The following LONRF3 variants were observed in gnomAD, a reference collection of about 807,000 sequenced individuals.
The protein encoded by LONRF3 is LON peptidase N-terminal domain and RING finger protein 3.
In LONRF3, 19 loss-of-function variants were observed where a neutral mutation model predicts 51.7. The ratio of observed to expected loss-of-function variants is 0.37; its 90% CI spans 0.26 to 0.54. The LOEUF (loss-of-function observed/expected upper bound fraction) is 0.54. Among genes scored for constraint, LONRF3 ranks in the 20% least tolerant of loss-of-function variants. LONRF3 has a pLI of 0.86. For missense variants in LONRF3, 521 were observed against 623.9 expected (o/e 0.84, Z 1.76); for synonymous variants, 265 against 257.8 (o/e 1.03, Z -0.27).
At chrX:118,999,280 G>C (rs766563145) in intron 5 of LONRF3, among the ~76,000 whole-genome samples, 1 of 111,453 alleles carries the variant, frequency 9.0e-6, no homozygotes, top group South Asian at 3.8e-4. Context: ...GGGTGGAGTG[G>C]GCTAGGGTGG....
intron 10 of LONRF3, 104 bp from the exon 11 acceptor site, chrX:119,017,431 A>G (rs1925536617): frequency 2.5e-6 from 2 of 797,102 alleles, no homozygotes; most frequent in African/African-American, 2.1e-5. Flanking sequence ...AATCTGCCAC[A>G]TGGAGTTGTT....
chrX:119,002,474 G>A (rs1924387214), intron 5 of LONRF3, among the ~76,000 whole-genome samples: 1 of 111,797 alleles, frequency 8.9e-6, no homozygotes, highest in Admixed American at 9.5e-5. Flanking sequence ...TTTCATTATT[G>A]TATAATATCC....
chrX:119,008,227 A>G, intron 6 of LONRF3, among the ~76,000 whole-genome samples: 1 of 112,167 alleles, frequency 8.9e-6, no homozygotes. Flanking sequence ...TATTCCAATC[A>G]TTTTCACTGC....
Position 118,975,322 on chromosome X carries a change from G to A in LONRF3, c.542G>A (p.Cys181Tyr). The change falls in exon 1 of 11, where the codon TGC becomes TAC. Residue 181 changes from cysteine (C) to tyrosine (Y), a missense_variant. By Grantham distance (194) the Cys-to-Tyr change is radical. Around this residue, in one of 2 missense-constraint regions of LONRF3, gnomAD observed 376 missense variants for 376.7 expected, o/e 1.00. Coordinates refer to ENST00000371628, the MANE Select transcript of LONRF3 (RefSeq NM_001031855.3). ...TGTGGCCACACCTTTTGTAAACTGT[G>A]CCTGGAACGTGGGCGGGCCGCCGAC... ...LSCGHTFCKL[C>Y]LERGRAADRR... 1 of 1,210,231 alleles carries A rather than the reference G, an allele frequency of 8.3e-7. No individual in the cohort carries two copies. The highest frequency in any genetic ancestry group is 1.1e-6 in the Non-Finnish European group (1 of 895,090).
At position 118,975,604 on chromosome X, in the gene LONRF3, C is replaced by T. The variant is rs1377545287; in HGVS notation, c.817+7C>T. 23 of 1,134,783 alleles carry T rather than the reference C, an allele frequency of 2.0e-5. No individual in the cohort carries two copies. Among genetic ancestry groups the T allele is most frequent in the Non-Finnish European group, 2.7e-5 (23 of 858,330 alleles). 93.5% of individuals were successfully genotyped at this position (1,134,783 alleles called of 1,213,427 possible). A position where few individuals can be genotyped will look rare whatever the true frequency, so the allele number is the denominator to read the frequency against. On this transcript the variant is annotated splice_region_variant and intron_variant, in intron 1 of 10. Transcript: ENST00000371628. Reference sequence around the variant, plus strand: ...AACGAGGCAGTTAAGTTGGGTGAGTCCAACGCGCTGCCGGGCCGGGGCTGG... The same window carrying T: ...AACGAGGCAGTTAAGTTGGGTGAGTTCAACGCGCTGCCGGGCCGGGGCTGG...
At chrX:119,003,069 A>G (rs1421988183) in intron 5 of LONRF3, among the ~76,000 whole-genome samples, 1 of 111,744 alleles carries the variant, frequency 8.9e-6, no homozygotes, top group Non-Finnish European at 1.9e-5. Flanking sequence ...GGTGTGAGCC[A>G]CTGCACCCAG....
At chrX:119,008,435 A>G (rs1030755717) in intron 6 of LONRF3, among the ~76,000 whole-genome samples, 1 of 111,690 alleles carries the variant, frequency 9.0e-6, no homozygotes, top group Non-Finnish European at 1.9e-5. Flanking sequence ...TGCATCGGAC[A>G]GGGGTGTTTG....
rs776494214 is a variant in LONRF3 at position 118,982,776 on chromosome X, A to T, written c.937-45A>T. The stretch of plus-strand genomic sequence containing the variant: ...TAGTTATTGTTAGAGCAGTAGTGTT[A>T]ATAGGCTGAATAAAATGGGATTGAA... On this transcript the variant is annotated intron_variant, in intron 2 of 10. Transcript: ENST00000371628. 193 of 1,204,296 alleles carry T rather than the reference A, an allele frequency of 1.6e-4. 1 individual carries two copies. In the South Asian group the frequency reaches 2.3e-3, roughly 14 times the overall value.
At chrX:119,009,530 A>G (rs749137141) in intron 7 of LONRF3, among the ~76,000 whole-genome samples, 5 of 111,866 alleles carry the variant, frequency 4.5e-5, no homozygotes, top group Non-Finnish European at 9.4e-5. Flanking sequence ...TATTGTTGGC[A>G]AGAGTAAATT....
intron 2 of LONRF3, among the ~76,000 whole-genome samples, chrX:118,979,335 T>A (rs1603246173): frequency 1.0e-5 from 1 of 98,295 alleles, no homozygotes; most frequent in Middle Eastern, 6.6e-3. Context: ...ACTCTGCCAC[T>A]CACACTGGAG....
intron 5 of LONRF3, among the ~76,000 whole-genome samples, chrX:118,996,550 C>T (rs1394912287): frequency 1.8e-5 from 2 of 111,388 alleles, no homozygotes; most frequent in Admixed American, 1.9e-4. Flanking sequence ...AATCAAGATC[C>T]CCTTTTACAA....
Position 118,999,993 on chromosome X carries a change from G to C in LONRF3, c.1416-6128G>C, listed in dbSNP as rs549336807. Among the ~76,000 whole-genome samples the C allele has an allele frequency of 8.0e-5, 9 of 112,216 alleles. No individual in the cohort carries two copies. In the South Asian group the frequency reaches 2.6e-3, roughly 32 times the overall value. ...TGTAGTTCCCTTTCCAACAGGGTTTGTCTATAAGTTAGACATTGGATGTTG... is the reference window on the plus strand; with the variant it reads ...TGTAGTTCCCTTTCCAACAGGGTTTCTCTATAAGTTAGACATTGGATGTTG... On this transcript the variant is annotated intron_variant, in intron 5 of 10. Transcript: ENST00000371628.
In LONRF3 at chrX:118,980,125, C is replaced by T. The variant is rs6646308; in HGVS notation, c.936+1662C>T. Among the ~76,000 whole-genome samples, 1,058 of 112,233 alleles carry T rather than the reference C, an allele frequency of 9.4e-3. 20 individuals carry two copies. In the East Asian group the frequency reaches 0.13, roughly 14 times the overall value. On this transcript the variant is annotated intron_variant, in intron 2 of 10. Coordinates refer to ENST00000371628, the MANE Select transcript of LONRF3 (RefSeq NM_001031855.3). ...GGACATTCTGCAAGCTATAAAGCTT[C>T]CTGGATGTAGTGCTCTGTCTCTACA...
intron 5 of LONRF3, among the ~76,000 whole-genome samples, chrX:119,001,017 G>T (rs1446127474): frequency 9.0e-6 from 1 of 111,452 alleles, no homozygotes; most frequent in Admixed American, 9.6e-5. Context: ...TTTTATCTGG[G>T]CTGACATCAA....
intron 3 of LONRF3, among the ~76,000 whole-genome samples, chrX:118,987,380 A>G (rs1923056023): frequency 9.6e-6 from 1 of 104,370 alleles, no homozygotes; most frequent in African/African-American, 3.5e-5. Context: ...TGGTCTCAAG[A>G]GATCCTCCCA....
chrX:118,978,369 G>A lies in LONRF3; in HGVS notation c.842G>A (p.Ser281Asn). 1 of 1,205,925 alleles carries A rather than the reference G, an allele frequency of 8.3e-7. No homozygotes were observed. Among genetic ancestry groups the A allele is most frequent in the Non-Finnish European group, 1.1e-6 (1 of 890,635 alleles). ...KLAPNDHLLYSNRSQIYFTLE... is the reference protein window; with the variant it reads ...KLAPNDHLLYNNRSQIYFTLE... ...GCTCCAAATGACCACTTGCTTTATAGCAATCGGTCTCAGATTTATTTCACC... is the reference window on the plus strand; with the variant it reads ...GCTCCAAATGACCACTTGCTTTATAACAATCGGTCTCAGATTTATTTCACC... Residue 281 changes from serine to asparagine, a missense_variant, in exon 2 of 11, where the codon AGC (serine) becomes AAC (asparagine). By Grantham distance (46) the Ser-to-Asn change is conservative. Around this residue, in one of 2 missense-constraint regions of LONRF3, gnomAD observed 376 missense variants for 376.7 expected, o/e 1.00. Coordinates refer to ENST00000371628, the MANE Select transcript of LONRF3 (RefSeq NM_001031855.3).
intron 7 of LONRF3, among the ~76,000 whole-genome samples, chrX:119,011,533 C>G (rs776001120): frequency 1.8e-4 from 20 of 112,283 alleles, no homozygotes; most frequent in African/African-American, 6.5e-4. Flanking sequence ...TACTAGAGAA[C>G]TTCTTCAGCC....
intron 10 of LONRF3, 22 bp from the exon 11 acceptor site, chrX:119,017,513 C>G: frequency 8.3e-7 from 1 of 1,202,205 alleles, no homozygotes. Context: ...TAGGATGACT[C>G]CATTGTGTTT....
intron 5 of LONRF3, among the ~76,000 whole-genome samples, chrX:118,997,680 G>T (rs1020751388): frequency 3.6e-5 from 4 of 112,506 alleles, no homozygotes; most frequent in Admixed American, 1.9e-4. Context: ...AGTCAGCAGA[G>T]TAAACAGACA....
Sources: allele counts gnomAD v4.1 joint callset (sites outside exome capture counted in the v4.1 genomes callset), GRCh38; gene constraint gnomAD v4.1.1; regional missense constraint gnomAD v4.1.1; transcripts MANE v1.5; gene names NCBI Gene and HGNC (gene_info 2026-07-23, HGNC 2026-07-21).